The following CD164 variants were observed in gnomAD, a reference collection of about 807,000 sequenced individuals.
CD164 encodes the protein sialomucin core protein 24.
CD164 carries 11 observed loss-of-function variants against 24.6 expected under a neutral mutation model. The observed-to-expected ratio is 0.45, with a 90% CI of 0.28 to 0.74. The LOEUF (loss-of-function observed/expected upper bound fraction) is 0.74. Ranked by LOEUF, CD164 falls within the 30% of genes least tolerant of loss-of-function variation. The pLI is 0.13. For synonymous variants in CD164, 126 were observed against 100.3 expected, an observed-to-expected ratio of 1.26 and a Z score of -1.53; for missense variants, 295 against 243.7, an observed-to-expected ratio of 1.21 and a Z score of -1.40.
In CD164 at chr6:109,370,281, C is replaced by T. The variant is rs1771004318; in HGVS notation, c.427+130G>A. 6 of 720,788 alleles carry T rather than the reference C, an allele frequency of 8.3e-6. No homozygotes were observed. The East Asian group carries it at 1.7e-4, about 20-fold the overall frequency. The allele number at this position is 720,788 out of a possible 1,614,324, so 44.6% of individuals were successfully genotyped here. Reference sequence around the variant, plus strand: ...TAACAAAGCACTACCTTGATCCCCCCTAAGAGTAAGAGAAGAATTTCAGTT... The same window carrying T: ...TAACAAAGCACTACCTTGATCCCCCTTAAGAGTAAGAGAAGAATTTCAGTT... On this transcript the variant is annotated intron_variant, in intron 5 of 5. Transcript: ENST00000310786.
intron 3 of CD164, among the ~76,000 whole-genome samples, chr6:109,376,561 A>C (rs748410982): frequency 1.8e-4 from 27 of 152,256 alleles, no homozygotes; most frequent in Non-Finnish European, 3.5e-4. Flanking sequence ...TAATGGTTGC[A>C]GAGCTGAACT....
rs1404382894 is a variant in CD164 at position 109,368,744 on chromosome 6, A to T, written c.*107T>A. On this transcript the variant is annotated 3_prime_UTR_variant, in exon 6 of 6. Coordinates refer to ENST00000310786, the MANE Select transcript of CD164 (RefSeq NM_006016.6). ...CCTATATGCATCCATGGAAATTTAAAGATCCTGGAATAGCGTCTTCCATGT... is the reference window on the plus strand; with the variant it reads ...CCTATATGCATCCATGGAAATTTAATGATCCTGGAATAGCGTCTTCCATGT... 1 of 1,450,690 alleles carries T rather than the reference A, an allele frequency of 6.9e-7. No homozygotes were observed. Among genetic ancestry groups the T allele is most frequent in the Admixed American group, 3.0e-5 (1 of 33,714 alleles). 89.9% of individuals were successfully genotyped at this position (1,450,690 alleles called of 1,614,324 possible). A position where few individuals can be genotyped will look rare whatever the true frequency, so the allele number is the denominator to read the frequency against.
Position 109,376,133 on chromosome 6 carries a change from A to G in CD164, c.332-21T>C, listed in dbSNP as rs761132987. The G allele has an allele frequency of 3.2e-5, 50 of 1,546,606 alleles. No individual in the cohort carries two copies. The East Asian group carries it at 1.1e-3, about 34-fold the overall frequency. On this transcript the variant is annotated intron_variant, in intron 3 of 5. Coordinates refer to ENST00000310786, the MANE Select transcript of CD164 (RefSeq NM_006016.6). The stretch of plus-strand genomic sequence containing the variant: ...GGAAACTATTAAAAAAAGAAAAAAG[A>G]AAAACCATATACATCAAAGCTATTT...
chr6:109,382,398 T>C lies in CD164; in HGVS notation c.-20A>G, dbSNP rs745759006. The C allele has an allele frequency of 7.1e-5, 107 of 1,504,016 alleles. No homozygotes were observed. Among genetic ancestry groups the C allele is most frequent in the Non-Finnish European group, 9.0e-5 (102 of 1,127,384 alleles). 93.2% of individuals were successfully genotyped at this position (1,504,016 alleles called of 1,614,324 possible). A position where few individuals can be genotyped will look rare whatever the true frequency, so the allele number is the denominator to read the frequency against. On this transcript the variant is annotated 5_prime_UTR_variant, in exon 1 of 6. Transcript: ENST00000310786. Reference sequence around the variant, plus strand: ...CGACATCGTGTCCTCAGCGCTGGCGTTCGGGAGAAAGCTAAGGCTCGCAAC... The same window carrying C: ...CGACATCGTGTCCTCAGCGCTGGCGCTCGGGAGAAAGCTAAGGCTCGCAAC...
At chr6:109,371,201 A>T (rs1771056625) in intron 4 of CD164, 1 of 152,256 alleles carries the variant, frequency 6.6e-6, no homozygotes, top group Non-Finnish European at 1.5e-5. Context: ...AAAGAAATGT[A>T]CACTCTGAGA....
At chr6:109,381,405 G>A (rs1655108624) in intron 1 of CD164, 1 of 675,612 alleles carries the variant, frequency 1.5e-6, no homozygotes, top group South Asian at 1.6e-5. Context: ...ACATAGTTAA[G>A]AAAATTTTAA....
chr6:109,369,123 A>G (rs1770942871), intron 5 of CD164, 106 bp from the exon 6 acceptor site: 5 of 950,846 alleles, frequency 5.3e-6, no homozygotes, highest in South Asian at 3.2e-5. Context: ...AATTCTATAA[A>G]GTATTTCCTC....
chr6:109,379,012 T>C (rs528816208), intron 2 of CD164, among the ~76,000 whole-genome samples: 3 of 152,334 alleles, frequency 2.0e-5, no homozygotes, highest in South Asian at 2.1e-4. Flanking sequence ...TGAATTTCAA[T>C]GTACGTCCCT....
intron 4 of CD164, among the ~76,000 whole-genome samples, chr6:109,374,820 C>G (rs1441947731): frequency 6.6e-6 from 1 of 152,154 alleles, no homozygotes; most frequent in Non-Finnish European, 1.5e-5. Context: ...GAGGCTCTCT[C>G]CAAGTTTTCC....
chr6:109,382,093 C>CGG, intron 1 of CD164, 111 bp downstream of exon 1: 1 of 979,970 alleles, frequency 1.0e-6, no homozygotes, highest in South Asian at 4.1e-5. Flanking sequence ...ACCCCGAGCG[C>CGG]GGCCCGCCCG....
chr6:109,378,113 A>G (rs1771524247), intron 2 of CD164, 142 bp from the exon 3 acceptor site: 3 of 617,550 alleles, frequency 4.9e-6, no homozygotes, highest in Non-Finnish European at 8.6e-6. Flanking sequence ...TTTTGACCTA[A>G]AGTTAAACCC....
intron 4 of CD164, among the ~76,000 whole-genome samples, chr6:109,374,666 T>G (rs985894490): frequency 3.9e-5 from 6 of 152,196 alleles, no homozygotes; most frequent in Admixed American, 6.5e-5. Flanking sequence ...CATACAAAGG[T>G]GTTTCCCAAT....
chr6:109,373,123 A>G (rs1440831843), intron 4 of CD164, among the ~76,000 whole-genome samples: 1 of 152,160 alleles, frequency 6.6e-6, no homozygotes, highest in South Asian at 2.1e-4. Context: ...CAAAAAAAAT[A>G]CTGAATTAGT....
At chr6:109,381,664 C>T in intron 1 of CD164, 2 of 691,008 alleles carry the variant, frequency 2.9e-6, no homozygotes, top group Non-Finnish European at 5.3e-6. Context: ...AATTAAATCT[C>T]AAGCGACCTT....
At position 109,370,393 on chromosome 6, in the gene CD164, C is replaced by A; in HGVS notation, c.427+18G>T. ...GCACACATCCTGCATCATTGCTAATCTAAAAAGCCTCAATTACCTGATGTA... is the reference window on the plus strand; with the variant it reads ...GCACACATCCTGCATCATTGCTAATATAAAAAGCCTCAATTACCTGATGTA... On this transcript the variant is annotated intron_variant, in intron 5 of 5. Transcript: ENST00000310786. 1 of 1,597,098 alleles carries A rather than the reference C, an allele frequency of 6.3e-7. No individual in the cohort carries two copies. The highest frequency in any genetic ancestry group is 8.6e-7 in the Non-Finnish European group (1 of 1,164,932).
Position 109,379,633 on chromosome 6 carries a change from A to G in CD164, c.205T>C (p.Ser69Pro), listed in dbSNP as rs781267537. The G allele has an allele frequency of 5.0e-6, 8 of 1,613,582 alleles. 2 individuals carry two copies. The South Asian group carries it at 8.8e-5, about 18-fold the overall frequency. ...TTAACAACGCTAACATTAAAACAGG[A>G]AACGCAGCTGTTTCGACCTTCACAG... is the stretch of plus-strand genomic sequence containing the variant. The part of the protein sequence containing the change: ...ETCEGRNSCV[S>P]CFNVSVVNTT... Residue 69 changes from serine (S) to proline (P), a missense_variant, in exon 2 of 6, where the codon TCC (serine) becomes CCC (proline). Transcript: ENST00000310786.
At chr6:109,378,618 A>G (rs977999584) in intron 2 of CD164, among the ~76,000 whole-genome samples, 1 of 152,194 alleles carries the variant, frequency 6.6e-6, no homozygotes, top group Non-Finnish European at 1.5e-5. Context: ...GAACAAGAGT[A>G]AGGGGAGAAC....
chr6:109,381,721 TTC>T, intron 1 of CD164: 1 of 603,440 alleles, frequency 1.7e-6, no homozygotes, highest in Non-Finnish European at 3.0e-6. Flanking sequence ...GTCTTTAAGT[TTC>T]TCTTTCCCGG....
intron 1 of CD164, 91 bp downstream of exon 1, chr6:109,382,113 G>A: frequency 8.5e-7 from 1 of 1,169,810 alleles, no homozygotes; most frequent in Non-Finnish European, 1.1e-6. Flanking sequence ...GCCCGACCGT[G>A]GCCCGAACCC....
Sources: gnomAD v4.1 joint callset for allele counts (sites outside exome capture counted in the v4.1 genomes callset) on GRCh38, gnomAD v4.1.1 for gene constraint, MANE v1.5 for transcripts, NCBI Gene and HGNC (gene_info 2026-07-23, HGNC 2026-07-21) for gene names.